The following NEB variants were observed in gnomAD, a reference collection of about 807,000 sequenced individuals.
The protein encoded by NEB is nemaline myopathy type 2.
In NEB, 512 loss-of-function variants were observed where a neutral mutation model predicts 952.2. The observed-to-expected ratio is 0.54, with a 90% CI of 0.50 to 0.58. NEB has a LOEUF of 0.58. NEB is among the 20% of genes least tolerant of loss of function. The pLI is 0.00. For synonymous variants in NEB, 2,900 were observed against 3,149.8 expected, an observed-to-expected ratio of 0.92 and a Z score of 2.66; for missense variants, 8,428 against 9,231.1, an observed-to-expected ratio of 0.91 and a Z score of 3.56.
chr2:151,690,581 T>G, intron 24 of NEB, 146 bp downstream of exon 24: 1 of 668,978 alleles, frequency 1.5e-6, no homozygotes, highest in Non-Finnish European at 2.7e-6. Flanking sequence ...TCTAGCAGCC[T>G]CATTTGTGTT....
Position 151,610,807 on chromosome 2 carries a change from G to C in NEB, c.11865C>G (p.Thr3955=). 6.2e-7 allele frequency: 1 copy of C among 1,608,120 alleles called. No individual in the cohort carries two copies. The highest frequency in any genetic ancestry group is 1.7e-5 in the Admixed American group (1 of 59,182). Reference sequence around the variant, plus strand: ...TACTCTTGGCCAGCAGGATATCTGGGGTGTCTGGCATCACGTGGATGGAGG... The same window carrying C: ...TACTCTTGGCCAGCAGGATATCTGGCGTGTCTGGCATCACGTGGATGGAGG... ...DKTSIHVMPD[T]PDILLAKSNS... Residue 3955 remains threonine, a synonymous_variant, in exon 79 of 182, where the codon ACC becomes ACG. Coordinates refer to ENST00000397345, the MANE Select transcript of NEB (RefSeq NM_001164508.2).
intron 169 of NEB, among the ~76,000 whole-genome samples, 197 bp downstream of exon 169, chr2:151,499,097 CTTTT>C (rs927526327): frequency 3.3e-5 from 5 of 151,954 alleles, no homozygotes; most frequent in African/African-American, 9.7e-5. Context: ...ATACTGAACA[CTTTT>C]TTTATTAAGT....
rs1458705313 is a variant in NEB, at chr2:151,496,978, A to C, written c.24356T>G (p.Met8119Arg). 1 of 1,581,560 alleles carries C rather than the reference A, an allele frequency of 6.3e-7. No homozygotes were observed. The highest frequency in any genetic ancestry group is 1.8e-5 in the Admixed American group (1 of 55,208). ...TTCTTGATTGTGTTTGACTCTCTCC[A>C]TCTCAGGAGTGACAGGTAGAGGGGT... Reference protein sequence around the residue: ...KGTPLPVTPEMERVKHNQENI... With the variant: ...KGTPLPVTPERERVKHNQENI... Residue 8119 changes from methionine to arginine, a missense_variant, in exon 172 of 182, where the codon ATG becomes AGG. Transcript: ENST00000397345.
chr2:151,530,781 G>C (rs887495101), intron 145 of NEB: 9 of 411,266 alleles, frequency 2.2e-5, no homozygotes, highest in Admixed American at 1.2e-4. Flanking sequence ...GCTTGACTGA[G>C]CCCCAGGTGT....
rs776298641 is a variant in NEB at position 151,499,405 on chromosome 2, A to G, written c.24022-15T>C. 2.8e-6 allele frequency: 4 copies of G among 1,452,514 alleles called. No homozygotes were observed. The highest frequency in any genetic ancestry group is 1.2e-5 in the South Asian group (1 of 82,030). 90.0% of individuals were successfully genotyped at this position (1,452,514 alleles called of 1,614,324 possible). On this transcript the variant is annotated splice_polypyrimidine_tract_variant and intron_variant, in intron 168 of 181. Transcript: ENST00000397345. ...TTATACAACACCTGTATGACACAAG[A>G]AAGCATCCAGAAAAAACAAGAGCAG...
rs760795493 is a variant in NEB, at chr2:151,694,608, C to T, written c.1696G>A (p.Glu566Lys). 9 of 1,591,392 alleles carry T rather than the reference C, an allele frequency of 5.7e-6. No individual in the cohort carries two copies. In the South Asian group the frequency reaches 9.1e-5, roughly 16 times the overall value. ...LSDNLYKQDW[E>K]KSKAKKFDIK... ...TCAAACTTTTTGGCTTTGCTCTTCT[C>T]CCAGTCTTGCTTATAAAGATTCTGG... The change falls in exon 19 of 182, where the codon GAG (glutamate) becomes AAG (lysine). Residue 566 changes from glutamate (E) to lysine (K), a missense_variant. Coordinates refer to ENST00000397345, the MANE Select transcript of NEB (RefSeq NM_001164508.2).
In NEB at chr2:151,663,631, T is replaced by C. The variant is rs150961139; in HGVS notation, c.5680A>G (p.Arg1894Gly). Residue 1894 changes from arginine (R) to glycine (G), a missense_variant, in exon 45 of 182, where the codon AGG becomes GGG. Transcript: ENST00000397345. ...ATGTTGTAGGTATGGATCACGTTCC[T>C]GTAGTTGGCATTGGTGGCCACTTCC... ...SQEVATNANY[R>G]NVIHTYNMLP... The C allele has an allele frequency of 4.4e-4, 707 of 1,613,846 alleles. No individual in the cohort carries two copies. Among genetic ancestry groups the C allele is most frequent in the Non-Finnish European group, 5.7e-4 (674 of 1,179,758 alleles).
intron 23 of NEB, 85 bp downstream of exon 23, chr2:151,691,779 T>G: frequency 9.9e-7 from 1 of 1,009,016 alleles, no homozygotes; most frequent in Non-Finnish European, 1.5e-6. Context: ...CACTAGATAT[T>G]AGCATGTAAA....
chr2:151,486,968 T>G (rs1021900289), intron 181 of NEB, among the ~76,000 whole-genome samples: 1 of 152,182 alleles, frequency 6.6e-6, no homozygotes, highest in Admixed American at 6.5e-5. Flanking sequence ...AAAATTAGAT[T>G]ATGGAGATGG....
At chr2:151,573,412 T>C (rs1182677355) in intron 107 of NEB, among the ~76,000 whole-genome samples, 1 of 152,152 alleles carries the variant, frequency 6.6e-6, no homozygotes, top group Middle Eastern at 3.2e-3. Context: ...TGCCTATGGA[T>C]TGAGTGGGAA....
rs1469032968 is a variant in NEB, at chr2:151,697,388, G to A, written c.1327C>T (p.His443Tyr). The A allele has an allele frequency of 6.2e-7, 1 of 1,613,932 alleles. No individual in the cohort carries two copies. The highest frequency in any genetic ancestry group is 2.2e-5 in the East Asian group (1 of 44,872). The change falls in exon 15 of 182, where the codon CAT (histidine) becomes TAT (tyrosine). Residue 443 changes from histidine to tyrosine, a missense_variant. This residue lies in a region of NEB where 2,851 missense variants were observed against 2,791.5 expected (regional missense o/e 1.02). Coordinates refer to ENST00000397345, the MANE Select transcript of NEB (RefSeq NM_001164508.2). Reference protein sequence around the residue: ...HYVGSFEDPYHSHCMKVTAQN... With the variant: ...HYVGSFEDPYYSHCMKVTAQN... ...GCTGTGACTTTCATGCAGTGTGAAT[G>A]GTATGGATCCTCGAAGCTGCCTACA...
intron 52 of NEB, 28 bp from the exon 53 acceptor site, chr2:151,650,913 T>C: frequency 6.4e-7 from 1 of 1,566,044 alleles, no homozygotes; most frequent in Non-Finnish European, 8.7e-7. Flanking sequence ...ACAGCTCTTT[T>C]AGTACACAAA....
rs1230102324 is a variant in NEB, at chr2:151,496,276, C to T, written c.24486G>A (p.Ser8162=). 2.5e-6 allele frequency: 4 copies of T among 1,603,696 alleles called. No homozygotes were observed. Among genetic ancestry groups the T allele is most frequent in the African/African-American group, 1.3e-5 (1 of 74,702 alleles). Residue 8162 remains serine, a splice_region_variant and synonymous_variant, in exon 173 of 182, where the codon TCG becomes TCA. Transcript: ENST00000397345. ...GTTTTTTTCTTTTCTCGCCAAGTAC[C>T]GAGCTAATATTTTCTTGATTGTGTT... ...RVKHNQENIS[S]VLYKENVGKA... is the part of the protein sequence containing the mutation.
chr2:151,618,085 G>T (rs1206515155), intron 74 of NEB, among the ~76,000 whole-genome samples, 190 bp downstream of exon 74: 1 of 152,094 alleles, frequency 6.6e-6, no homozygotes. Flanking sequence ...ACAAACAAAA[G>T]CACACAGTAC....
At chr2:151,570,421 T>TCA in intron 108 of NEB, 29 bp from the exon 109 acceptor site, 2 of 1,578,190 alleles carry the variant, frequency 1.3e-6, no homozygotes, top group Non-Finnish European at 1.7e-6. Context: ...AGCAGATGGG[T>TCA]CACAGCATGT....
rs995039962 is a variant in NEB at position 151,677,176 on chromosome 2, T to C, written c.3774+389A>G. On this transcript the variant is annotated intron_variant, in intron 34 of 181. Coordinates refer to ENST00000397345, the MANE Select transcript of NEB (RefSeq NM_001164508.2). The stretch of plus-strand genomic sequence containing the variant: ...TAATGTCTTATATATGAAAAGAAAA[T>C]ATGAGAAACTTAACATAGAATTGAA... Among the ~76,000 whole-genome samples, 3 of 152,300 alleles carry C rather than the reference T, an allele frequency of 2.0e-5. No homozygotes were observed. In the South Asian group the frequency reaches 6.2e-4, roughly 32 times the overall value.
chr2:151,625,484 C>G, intron 71 of NEB, 50 bp downstream of exon 71: 1 of 1,343,532 alleles, frequency 7.4e-7, no homozygotes, highest in Non-Finnish European at 1.0e-6. Context: ...ATTCCTACAT[C>G]GGCAACAATC....
chr2:151,567,023 C>T, intron 114 of NEB, 145 bp downstream of exon 114: 1 of 697,026 alleles, frequency 1.4e-6, no homozygotes, highest in Non-Finnish European at 2.3e-6. Context: ...CCTGATCTTT[C>T]TTCATATCCA....
intron 164 of NEB, 117 bp from the exon 165 acceptor site, chr2:151,505,687 G>A (rs1033394818): frequency 2.3e-5 from 19 of 828,020 alleles, no homozygotes; most frequent in South Asian, 2.9e-5. Context: ...TGTAAATAAC[G>A]CAGGCTTTAT....
Sources: allele counts gnomAD v4.1 joint callset (sites outside exome capture counted in the v4.1 genomes callset), GRCh38; gene constraint gnomAD v4.1.1; regional missense constraint gnomAD v4.1.1; transcripts MANE v1.5; gene names NCBI Gene and HGNC (gene_info 2026-07-23, HGNC 2026-07-21).